CFH: variants seen among roughly 807,000 people sequenced by gnomAD.
CFH encodes H factor 1 (complement).
Under a neutral mutation model 147.3 loss-of-function variants are expected in CFH, and 53 were observed. The observed-to-expected ratio is 0.36, with a 90% CI of 0.29 to 0.45. The LOEUF (loss-of-function observed/expected upper bound fraction) is 0.45, where lower values mean the gene tolerates loss of function less well. Ranked by LOEUF, CFH falls within the 20% of genes least tolerant of loss-of-function variation. The pLI, the probability that CFH is intolerant of heterozygous loss-of-function variation, is 1.00. For missense variants in CFH, 1,380 were observed against 1,498.0 expected (o/e 0.92, Z 1.30); for synonymous variants, 536 against 489.4 (o/e 1.10, Z -1.26).
In CFH at chr1:196,677,485, G is replaced by C. The variant is rs751698088; in HGVS notation, c.437G>C (p.Cys146Ser). The change falls in exon 5 of 22, where the codon TGT becomes TCT. Residue 146 changes from cysteine (C) to serine (S), a missense_variant. By Grantham distance (112) the Cys-to-Ser change is moderately radical. Around this residue, in one of 4 missense-constraint regions of CFH, gnomAD observed 260 missense variants for 263.3 expected, o/e 0.99. Coordinates refer to ENST00000367429, the MANE Select transcript of CFH (RefSeq NM_000186.4). Reference sequence around the variant, plus strand: ...CATGTATTTTCTTCAGTTGTGAAGTGTTTACCAGTGACAGCACCAGAGAAT... The same window carrying C: ...CATGTATTTTCTTCAGTTGTGAAGTCTTTACCAGTGACAGCACCAGAGAAT... ...NDIPICEVVKCLPVTAPENGK... is the reference protein window; with the variant it reads ...NDIPICEVVKSLPVTAPENGK... 2 of 1,612,914 alleles carry C rather than the reference G, an allele frequency of 1.2e-6. No homozygotes were observed. The highest frequency in any genetic ancestry group is 2.2e-5 in the East Asian group (1 of 44,778).
intron 9 of CFH, among the ~76,000 whole-genome samples, chr1:196,691,186 G>A (rs1668010924): frequency 6.6e-6 from 1 of 151,824 alleles, no homozygotes; most frequent in Non-Finnish European, 1.5e-5. Flanking sequence ...TCAATCATTT[G>A]ACTCAAAATA....
In CFH at chr1:196,743,538, C is replaced by T. The variant is rs752118809; in HGVS notation, c.3220C>T (p.Arg1074Cys). ...TAAATATCCATCTGGTGAGAGAGTA[C>T]GTTATCAATGTAGGAGCCCTTATGA... is the stretch of plus-strand genomic sequence containing the variant. ...MSKYPSGERV[R>C]YQCRSPYEMF... The change falls in exon 20 of 22, where the codon CGT becomes TGT. Residue 1074 changes from arginine (R) to cysteine (C), a missense_variant. Arg to Cys is a radical substitution (Grantham distance 180). Around this residue, in one of 4 missense-constraint regions of CFH, gnomAD observed 830 missense variants for 821.4 expected, o/e 1.01. Coordinates refer to ENST00000367429, the MANE Select transcript of CFH (RefSeq NM_000186.4). The T allele has an allele frequency of 4.3e-6, 7 of 1,613,970 alleles. No homozygotes were observed. The highest frequency in any genetic ancestry group is 1.1e-5 in the South Asian group (1 of 91,084).
chr1:196,745,235 C>A (rs1339914606), intron 20 of CFH, among the ~76,000 whole-genome samples: 1 of 152,018 alleles, frequency 6.6e-6, no homozygotes, highest in Admixed American at 6.6e-5. Flanking sequence ...TTTCAGGCAT[C>A]ATTTTATTTA....
At chr1:196,740,310 A>G (rs983132615) in intron 17 of CFH, among the ~76,000 whole-genome samples, 2 of 152,182 alleles carry the variant, frequency 1.3e-5, no homozygotes, top group Non-Finnish European at 2.9e-5. Context: ...TTTACCTGGA[A>G]TCGTTAACTC....
chr1:196,730,405 T>C (rs1054951595), intron 15 of CFH, among the ~76,000 whole-genome samples: 1 of 151,910 alleles, frequency 6.6e-6, no homozygotes, highest in African/African-American at 2.4e-5. Flanking sequence ...CCTCCTATTA[T>C]TGATTTCTCA....
chr1:196,731,036 A>G (rs970520431), intron 15 of CFH, among the ~76,000 whole-genome samples: 4 of 151,792 alleles, frequency 2.6e-5, no homozygotes, highest in African/African-American at 9.7e-5. Flanking sequence ...TAGTCATTCT[A>G]TGCCTTTTGA....
chr1:196,679,065 C>T (rs1222450096), intron 5 of CFH: 1 of 152,536 alleles, frequency 6.6e-6, no homozygotes, highest in African/African-American at 2.4e-5. Flanking sequence ...TGGGAAACTA[C>T]TTATGATTGG....
At position 196,737,460 on chromosome 1, in the gene CFH, T is replaced by G; in HGVS notation, c.2597-15T>G. ...TTATTTGTTTTTAACCCTTTGATTT[T>G]CATTCTTCATTTAGAAAAAATTCCA... On this transcript the variant is annotated splice_polypyrimidine_tract_variant and intron_variant, in intron 16 of 21. Coordinates refer to ENST00000367429, the MANE Select transcript of CFH (RefSeq NM_000186.4). The G allele has an allele frequency of 6.3e-7, 1 of 1,590,846 alleles. No individual in the cohort carries two copies. The highest frequency in any genetic ancestry group is 2.2e-5 in the East Asian group (1 of 44,446).
chr1:196,658,316 T>C (rs538972846), intron 1 of CFH, among the ~76,000 whole-genome samples: 18 of 151,872 alleles, frequency 1.2e-4, no homozygotes, highest in Admixed American at 1.0e-3. Flanking sequence ...GGTGCAATCA[T>C]GGCTCACTGC....
chr1:196,718,821 T>C (rs1668931943), intron 11 of CFH, among the ~76,000 whole-genome samples: 1 of 152,088 alleles, frequency 6.6e-6, no homozygotes, highest in Non-Finnish European at 1.5e-5. Context: ...TATTGCAAAT[T>C]GTACAAAGAC....
chr1:196,736,966 A>T lies in CFH; in HGVS notation c.2556A>T (p.Thr852=), dbSNP rs1261513542. ...TAATTCAGGAAGGAGAAGAAATTAC[A>T]TGCAAAGATGGAAGATGGCAGTCAA... ...NYLIQEGEEI[T]CKDGRWQSIP... is the part of the protein sequence containing the mutation. The change falls in exon 16 of 22, where the codon ACA becomes ACT. Residue 852 remains threonine, a synonymous_variant. Transcript: ENST00000367429. 1 of 1,611,798 alleles carries T rather than the reference A, an allele frequency of 6.2e-7. No individual in the cohort carries two copies. Among genetic ancestry groups the T allele is most frequent in the East Asian group, 2.2e-5 (1 of 44,652 alleles).
chr1:196,737,106 T>A, intron 16 of CFH, 100 bp downstream of exon 16: 1 of 1,053,608 alleles, frequency 9.5e-7, no homozygotes, highest in Non-Finnish European at 1.4e-6. Context: ...TCTGTGTCTA[T>A]TACTTTATCC....
At chr1:196,696,652 T>A (rs1348866312) in intron 9 of CFH, among the ~76,000 whole-genome samples, 1 of 152,218 alleles carries the variant, frequency 6.6e-6, no homozygotes, top group Non-Finnish European at 1.5e-5. Flanking sequence ...TGGAAAAAAC[T>A]ACTTTAAAGT....
chr1:196,653,820 T>C (rs1242629843), intron 1 of CFH, among the ~76,000 whole-genome samples: 1 of 152,098 alleles, frequency 6.6e-6, no homozygotes, highest in Non-Finnish European at 1.5e-5. Flanking sequence ...ACTATATATG[T>C]TATGGTGAAA....
chr1:196,661,747 C>G (rs1666913118), intron 1 of CFH, among the ~76,000 whole-genome samples: 1 of 152,126 alleles, frequency 6.6e-6, no homozygotes, highest in Non-Finnish European at 1.5e-5. Flanking sequence ...TCTTAACTTA[C>G]TAAAGTCTAA....
In CFH at chr1:196,672,990, T is replaced by A. The variant is rs1007759235; in HGVS notation, c.71T>A (p.Leu24His). 6.2e-7 allele frequency: 1 copy of A among 1,613,944 alleles called. No homozygotes were observed. Among genetic ancestry groups the A allele is most frequent in the Non-Finnish European group, 8.5e-7 (1 of 1,179,898 alleles). ...AICVAEDCNE[L>H]PPRRNTEILT... ...TTATTGTTTGTAGATTGCAATGAAC[T>A]TCCTCCAAGAAGAAATACAGAAATT... is the stretch of plus-strand genomic sequence containing the variant. Residue 24 changes from leucine to histidine, a missense_variant, in exon 2 of 22, where the codon CTT becomes CAT. Coordinates refer to ENST00000367429, the MANE Select transcript of CFH (RefSeq NM_000186.4).
chr1:196,661,124 G>A (rs1026641333), intron 1 of CFH, among the ~76,000 whole-genome samples: 1 of 152,096 alleles, frequency 6.6e-6, no homozygotes, highest in Non-Finnish European at 1.5e-5. Flanking sequence ...ACCATCTAGT[G>A]GAGTAGAATA....
At chr1:196,732,104 A>C (rs1669293574) in intron 15 of CFH, among the ~76,000 whole-genome samples, 1 of 152,000 alleles carries the variant, frequency 6.6e-6, no homozygotes, top group African/African-American at 2.4e-5. Flanking sequence ...TCTGTTTTTA[A>C]CATGGTGATA....
At chr1:196,720,353 A>G (rs1668969890) in intron 11 of CFH, among the ~76,000 whole-genome samples, 1 of 151,942 alleles carries the variant, frequency 6.6e-6, no homozygotes, top group Non-Finnish European at 1.5e-5. Flanking sequence ...CATAGTGGTG[A>G]AGTCTGTACT....
Sources: allele counts gnomAD v4.1 joint callset (sites outside exome capture counted in the v4.1 genomes callset), GRCh38; gene constraint gnomAD v4.1.1; regional missense constraint gnomAD v4.1.1; transcripts MANE v1.5; gene names NCBI Gene and HGNC (gene_info 2026-07-23, HGNC 2026-07-21).